Variants in ZBTB20 observed in about 807,000 individuals in gnomAD.
The protein encoded by ZBTB20 is zinc finger and BTB domain containing 20, also known as zinc finger and BTB domain-containing protein 20.
ZBTB20 carries 9 observed loss-of-function variants against 56.9 expected under a neutral mutation model. The observed-to-expected ratio is 0.16, with a 90% CI of 0.10 to 0.28. ZBTB20 has a LOEUF of 0.28. ZBTB20 is among the 10% of genes least tolerant of loss of function. The pLI, the probability that ZBTB20 is intolerant of heterozygous loss-of-function variation, is 1.00. For missense variants in ZBTB20, 655 were observed against 1,003.0 expected (o/e 0.65, Z 4.69); for synonymous variants, 417 against 420.7 (o/e 0.99, Z 0.11).
chr3:114,471,451 T>C (rs1238383516), intron 7 of ZBTB20, among the ~76,000 whole-genome samples: 1 of 152,150 alleles, frequency 6.6e-6, no homozygotes, highest in Non-Finnish European at 1.5e-5. Flanking sequence ...ATTAAGATGA[T>C]AAATACAAGA....
intron 5 of ZBTB20, among the ~76,000 whole-genome samples, chr3:114,793,972 G>A (rs1017573979): frequency 1.3e-5 from 2 of 151,758 alleles, no homozygotes; most frequent in Non-Finnish European, 2.9e-5. Context: ...AGACATTTGG[G>A]CTATTAGAGA....
intron 5 of ZBTB20, among the ~76,000 whole-genome samples, chr3:114,767,590 CAG>C: frequency 6.8e-6 from 1 of 146,010 alleles, no homozygotes; most frequent in East Asian, 2.0e-4. Context: ...AGGAAGGAAA[CAG>C]AAAGGGAGGA....
At chr3:114,457,668 G>A (rs2092100984) in intron 7 of ZBTB20, among the ~76,000 whole-genome samples, 1 of 152,082 alleles carries the variant, frequency 6.6e-6, no homozygotes, top group Non-Finnish European at 1.5e-5. Flanking sequence ...AGTCTGCTAA[G>A]GACTTTACAT....
In ZBTB20 at chr3:114,557,110, T is replaced by C. The variant is rs971302110; in HGVS notation, c.-294-56719A>G. 5.9e-5 allele frequency among the ~76,000 whole-genome samples: 9 copies of C among 152,150 alleles called. No individual in the cohort carries two copies. The East Asian group carries it at 1.7e-3, about 29-fold the overall frequency. On this transcript the variant is annotated intron_variant, in intron 6 of 11. Transcript: ENST00000675478. Reference sequence around the variant, plus strand: ...AAAGATGTAGACAAATTAGGGAAGATTAACAACCAGTTTTATTAGGAAGTA... The same window carrying C: ...AAAGATGTAGACAAATTAGGGAAGACTAACAACCAGTTTTATTAGGAAGTA...
At chr3:114,496,965 G>C (rs1008018320) in intron 7 of ZBTB20, among the ~76,000 whole-genome samples, 1 of 152,180 alleles carries the variant, frequency 6.6e-6, no homozygotes, top group East Asian at 1.9e-4. Context: ...TGGTGACCAG[G>C]GGGCAGTAGC....
intron 6 of ZBTB20, among the ~76,000 whole-genome samples, chr3:114,516,090 T>C (rs1321041540): frequency 6.6e-6 from 1 of 152,168 alleles, no homozygotes; most frequent in Non-Finnish European, 1.5e-5. Context: ...TTGTTTTCTT[T>C]CTTTTAAAGG....
chr3:115,129,436 CTT>C (rs1284282456), intron 1 of ZBTB20, among the ~76,000 whole-genome samples: 1 of 152,130 alleles, frequency 6.6e-6, no homozygotes, highest in East Asian at 1.9e-4. Context: ...AGTTTTTAGA[CTT>C]TTATAGTGGT....
intron 5 of ZBTB20, among the ~76,000 whole-genome samples, chr3:114,718,859 T>G (rs1033516463): frequency 6.6e-6 from 1 of 151,934 alleles, no homozygotes. Context: ...TTTTGGGTCA[T>G]GAGAACATAG....
At position 114,939,860 on chromosome 3, in the gene ZBTB20, C is replaced by A. The variant is rs939479322; in HGVS notation, c.-456+34506G>T. Among the ~76,000 whole-genome samples, 3 of 146,200 alleles carry A rather than the reference C, an allele frequency of 2.1e-5. No individual in the cohort carries two copies. In the East Asian group the frequency reaches 5.8e-4, roughly 28 times the overall value. On this transcript the variant is annotated intron_variant, in intron 3 of 11. Transcript: ENST00000675478. ...TCCAGGCTGGGTGACACACCAAGAC[C>A]CAGTCTCTAAAAACAAATTCTGGAA... is the stretch of plus-strand genomic sequence containing the variant.
intron 5 of ZBTB20, among the ~76,000 whole-genome samples, chr3:114,716,819 T>C (rs1157785600): frequency 6.6e-6 from 1 of 152,038 alleles, no homozygotes; most frequent in Non-Finnish European, 1.5e-5. Flanking sequence ...TTCTGTATTA[T>C]GAAGAAATGA....
intron 4 of ZBTB20, among the ~76,000 whole-genome samples, chr3:114,866,117 T>G (rs1021446069): frequency 1.3e-5 from 2 of 152,236 alleles, no homozygotes; most frequent in Non-Finnish European, 2.9e-5. Context: ...TCTTAACCAC[T>G]ATGAAACTTT....
intron 6 of ZBTB20, among the ~76,000 whole-genome samples, chr3:114,514,757 G>C (rs1479570018): frequency 6.6e-6 from 1 of 152,156 alleles, no homozygotes; most frequent in Non-Finnish European, 1.5e-5. Context: ...CAGAAAAGAA[G>C]AGTGTCACCT....
intron 3 of ZBTB20, among the ~76,000 whole-genome samples, chr3:114,913,480 G>T (rs1217066171): frequency 6.6e-6 from 1 of 151,840 alleles, no homozygotes; most frequent in Admixed American, 6.6e-5. Context: ...TATTCTGGTT[G>T]TTAATCACTG....
rs75901968 is a variant in ZBTB20, at chr3:114,416,815, C to T, written c.-254-27710G>A. 9.3e-3 allele frequency among the ~76,000 whole-genome samples: 1,414 copies of T among 152,130 alleles called. 11 individuals are homozygous for T. Among genetic ancestry groups the T allele is most frequent in the Non-Finnish European group, 0.015 (1,006 of 67,954 alleles). ...CAAGCCCAGGAATGAATGTGGTTTA[C>T]TTCCAAATTTAAGAAAATATTGAGT... On this transcript the variant is annotated intron_variant, in intron 7 of 11. Coordinates refer to ENST00000675478, the MANE Select transcript of ZBTB20 (RefSeq NM_001348800.3).
At chr3:114,557,092 T>G (rs1329622491) in intron 6 of ZBTB20, among the ~76,000 whole-genome samples, 1 of 151,990 alleles carries the variant, frequency 6.6e-6, no homozygotes, top group Non-Finnish European at 1.5e-5. Context: ...CTGAAAGATG[T>G]AGACAAATTA....
intron 4 of ZBTB20, among the ~76,000 whole-genome samples, chr3:114,885,343 C>CT (rs2076561133): frequency 6.6e-6 from 1 of 152,148 alleles, no homozygotes; most frequent in African/African-American, 2.4e-5. Context: ...ATAATTCAAA[C>CT]TTTATTTCCT....
At position 114,350,646 on chromosome 3, in the gene ZBTB20, G is replaced by A; in HGVS notation, c.1432C>T (p.Arg478Cys). ...TTGCTGGTGAGGGTTTCTGTCTGGC[G>A]TAAGTAGAGCTGGGTACTTGGCAAT... The part of the protein sequence containing the change: ...QPLPSTQLYL[R>C]QTETLTSNLR... Residue 478 changes from arginine to cysteine, a missense_variant, in exon 11 of 12, where the codon CGC (arginine) becomes TGC (cysteine). Coordinates refer to ENST00000675478, the MANE Select transcript of ZBTB20 (RefSeq NM_001348800.3). The A allele has an allele frequency of 1.2e-6, 2 of 1,614,218 alleles. No homozygotes were observed. Among genetic ancestry groups the A allele is most frequent in the Non-Finnish European group, 1.7e-6 (2 of 1,180,042 alleles).
chr3:114,337,392 CT>C lies in ZBTB20; in HGVS notation c.*1612del. 6.6e-6 allele frequency: 1 copy of C among 152,234 alleles called. No homozygotes were observed. Among genetic ancestry groups the C allele is most frequent in the Non-Finnish European group, 1.5e-5 (1 of 68,008 alleles). The allele number at this position is 152,234 out of a possible 1,614,324, so 9.4% of individuals were successfully genotyped here. A position where few individuals can be genotyped will look rare whatever the true frequency, so the allele number is the denominator to read the frequency against. On this transcript the variant is annotated 3_prime_UTR_variant, in exon 12 of 12. Coordinates refer to ENST00000675478, the MANE Select transcript of ZBTB20 (RefSeq NM_001348800.3). The stretch of plus-strand genomic sequence containing the variant: ...GACCCCATTTATCAAGACTTCTAGA[CT>C]ATTAGTGTTTCACTAAGAAAAAAAG...
At chr3:114,729,802 T>G (rs1437090917) in intron 5 of ZBTB20, among the ~76,000 whole-genome samples, 1 of 151,980 alleles carries the variant, frequency 6.6e-6, no homozygotes, top group Non-Finnish European at 1.5e-5. Flanking sequence ...GGATTTTCTT[T>G]TCTTTTAATT....
Sources: allele counts gnomAD v4.1 joint callset (sites outside exome capture counted in the v4.1 genomes callset), GRCh38; gene constraint gnomAD v4.1.1; transcripts MANE v1.5; gene names NCBI Gene and HGNC (gene_info 2026-07-23, HGNC 2026-07-21).